Variants in SHANK1 observed in about 807,000 individuals in gnomAD.
The protein encoded by SHANK1 is SH3 and multiple ankyrin repeat domains protein 1.
Under a neutral mutation model 165.6 loss-of-function variants are expected in SHANK1, and 35 were observed. The observed-to-expected ratio is 0.21, with a 90% CI of 0.16 to 0.28. The LOEUF (loss-of-function observed/expected upper bound fraction) is 0.28. SHANK1 is among the 10% of genes least tolerant of loss of function. The pLI, the probability that SHANK1 is intolerant of heterozygous loss-of-function variation, is 1.00. For synonymous variants in SHANK1, 1,428 were observed against 1,384.8 expected (o/e 1.03, Z -0.69); for missense variants, 2,681 against 3,036.4 (o/e 0.88, Z 2.75).
At chr19:50,700,573 T>TA (rs951966589) in intron 12 of SHANK1, among the ~76,000 whole-genome samples, 2 of 151,792 alleles carry the variant, frequency 1.3e-5, no homozygotes, top group African/African-American at 4.9e-5. Flanking sequence ...ATTCTGAGAG[T>TA]AGCAGGAGTC....
intron 8 of SHANK1, among the ~76,000 whole-genome samples, chr19:50,705,735 C>G (rs912918622): frequency 6.6e-6 from 1 of 152,210 alleles, no homozygotes; most frequent in Non-Finnish European, 1.5e-5. Context: ...CTAGACCTTA[C>G]GGAGGCTTAC....
chr19:50,717,088 C>G lies in SHANK1; in HGVS notation c.-43-126G>C, dbSNP rs1387496679. On this transcript the variant is annotated intron_variant, in intron 1 of 23. Coordinates refer to ENST00000293441, the MANE Select transcript of SHANK1 (RefSeq NM_016148.5). This position sits in a 1 kb window ranked among gnomAD's most constrained non-coding sequence, Gnocchi z 5.5. ...CTGCCCAAGATAGGCAGGAAGGAGG[C>G]TGGACACACCCTCGGCCTGCACGGC... 4.1e-6 allele frequency: 3 copies of G among 740,060 alleles called. No individual in the cohort carries two copies. The highest frequency in any genetic ancestry group is 5.8e-6 in the Non-Finnish European group (3 of 515,128). 45.8% of individuals were successfully genotyped at this position (740,060 alleles called of 1,614,324 possible).
chr19:50,703,975 C>A, intron 10 of SHANK1, 145 bp from the exon 11 acceptor site: 2 of 861,680 alleles, frequency 2.3e-6, no homozygotes, highest in South Asian at 1.6e-5. Flanking sequence ...AATTGCTCCC[C>A]CACCACCATC....
chr19:50,711,742 C>T (rs1309529016), intron 7 of SHANK1, among the ~76,000 whole-genome samples: 4 of 152,226 alleles, frequency 2.6e-5, no homozygotes, highest in Admixed American at 2.0e-4. Context: ...CCATCCCTCT[C>T]AGGGGTCAAG....
chr19:50,707,714 T>C (rs187323088), intron 8 of SHANK1, among the ~76,000 whole-genome samples: 1 of 151,798 alleles, frequency 6.6e-6, no homozygotes, highest in Non-Finnish European at 1.5e-5. Flanking sequence ...CTATCTCCTA[T>C]GAATGGACGA....
At chr19:50,671,872 T>C (rs1239100904) in intron 22 of SHANK1, 146 bp downstream of exon 22, 1 of 640,736 alleles carries the variant, frequency 1.6e-6, no homozygotes, top group Non-Finnish European at 2.7e-6. Flanking sequence ...AGTTCACCCA[T>C]TTCCAAAGCC....
chr19:50,665,463 A>G (rs946443764), intron 23 of SHANK1, among the ~76,000 whole-genome samples: 2 of 145,084 alleles, frequency 1.4e-5, no homozygotes, highest in African/African-American at 5.2e-5. Context: ...GCTACTCAGG[A>G]GGCTGAGGCT....
chr19:50,703,184 C>G (rs559341981), intron 11 of SHANK1, among the ~76,000 whole-genome samples: 1 of 152,130 alleles, frequency 6.6e-6, no homozygotes, highest in South Asian at 2.1e-4. Context: ...CCACCCCCCC[C>G]ATCCTCTTCC....
intron 1 of SHANK1, among the ~76,000 whole-genome samples, chr19:50,719,002 C>G (rs902614594): frequency 1.3e-5 from 2 of 151,046 alleles, no homozygotes; most frequent in Non-Finnish European, 3.0e-5. Flanking sequence ...GGCCTAGACC[C>G]TCGCTGGAGG....
chr19:50,663,888 G>A (rs980463406), intron 23 of SHANK1, among the ~76,000 whole-genome samples: 2 of 150,092 alleles, frequency 1.3e-5, no homozygotes, highest in African/African-American at 4.9e-5. Flanking sequence ...ATTGATTCAA[G>A]TTGCTCTAAT....
At position 50,662,560 on chromosome 19, in the gene SHANK1, G is replaced by A. The variant is rs528793989; in HGVS notation, c.5891C>T (p.Ala1964Val). Residue 1964 changes from alanine to valine, a missense_variant, in exon 24 of 24, where the codon GCG becomes GTG. Physicochemically the swap from Ala to Val is moderately conservative, Grantham distance 64. Transcript: ENST00000293441. This position sits in a 1 kb window ranked among gnomAD's most constrained non-coding sequence, Gnocchi z 7.7. ...TGAGGGTGAGGTGGCCCCTGGGGCC[G>A]CAGCGGCTGTAGGGGAGACCCCTGT... ...TGTGVSPTAA[A>V]APGATSPSAS... The A allele has an allele frequency of 3.9e-5, 61 of 1,561,886 alleles. No homozygotes were observed. The highest frequency in any genetic ancestry group is 1.7e-4 in the Middle Eastern group (1 of 5,888).
Position 50,667,325 on chromosome 19 carries a change from C to A in SHANK1, c.4635G>T (p.Leu1545=). The change falls in exon 23 of 24, where the codon CTG becomes CTT. Residue 1545 remains leucine, a synonymous_variant. Transcript: ENST00000293441. The surrounding 1 kb of genome is among the most constrained non-coding windows in gnomAD (Gnocchi z 5.7). ...CCGAGGGGGCGGGAGGCGGCAGGAC[C>A]AGCAGGGGCAGCCCGTTCTCTTCGC... The part of the protein sequence containing the change: ...RASEENGLPL[L]VLPPPAPSVD... The A allele has an allele frequency of 6.3e-7, 1 of 1,579,940 alleles. No homozygotes were observed. Among genetic ancestry groups the A allele is most frequent in the Non-Finnish European group, 8.5e-7 (1 of 1,169,858 alleles).
intron 21 of SHANK1, among the ~76,000 whole-genome samples, chr19:50,680,069 C>T (rs192285300): frequency 6.7e-6 from 1 of 150,048 alleles, no homozygotes; most frequent in African/African-American, 2.5e-5. Flanking sequence ...CAAGGAGACA[C>T]AGAGACAGAG....
chr19:50,689,458 TC>T, intron 15 of SHANK1, 179 bp from the exon 16 acceptor site: 2 of 699,566 alleles, frequency 2.9e-6, no homozygotes, highest in East Asian at 2.8e-5. Context: ...CTGATGGGCT[TC>T]CCCCTCAGAG....
chr19:50,703,956 G>A, intron 10 of SHANK1, 126 bp from the exon 11 acceptor site: 2 of 749,588 alleles, frequency 2.7e-6, no homozygotes, highest in Non-Finnish European at 2.2e-6. Context: ...GAAAGGGAGG[G>A]GGGCCTGGAA....
intron 21 of SHANK1, among the ~76,000 whole-genome samples, chr19:50,680,800 C>T (rs1362161675): frequency 1.3e-5 from 2 of 152,264 alleles, no homozygotes; most frequent in East Asian, 1.9e-4. Context: ...GAATAACAGG[C>T]GTGCGCCACC....
rs747452637 is a variant in SHANK1, at chr19:50,668,418, G to A, written c.3542C>T (p.Pro1181Leu). 11 of 1,326,166 alleles carry A rather than the reference G, an allele frequency of 8.3e-6. No individual in the cohort carries two copies. The African/African-American group carries it at 1.4e-4, about 17-fold the overall frequency. The allele number at this position is 1,326,166 out of a possible 1,614,324, so 82.1% of individuals were successfully genotyped here. A position where few individuals can be genotyped will look rare whatever the true frequency, so the allele number is the denominator to read the frequency against. Reference sequence around the variant, plus strand: ...TCCCGTGGGCTCCGGCTGGGTGGGGGGCTCCGCCTCGGTGCTGCTGCCCTG... The same window carrying A: ...TCCCGTGGGCTCCGGCTGGGTGGGGAGCTCCGCCTCGGTGCTGCTGCCCTG... ...SSQGSSTEAEPPTQPEPTGGG... is the reference protein window; with the variant it reads ...SSQGSSTEAELPTQPEPTGGG... The change falls in exon 23 of 24, where the codon CCC becomes CTC. Residue 1181 changes from proline (P) to leucine (L), a missense_variant. Physicochemically the swap from Pro to Leu is moderately conservative, Grantham distance 98. Transcript: ENST00000293441.
chr19:50,706,611 C>G (rs1206870938), intron 8 of SHANK1, among the ~76,000 whole-genome samples: 1 of 151,830 alleles, frequency 6.6e-6, no homozygotes, highest in Non-Finnish European at 1.5e-5. Context: ...TGCACGGCTG[C>G]TCCCTCTGCT....
rs1318602152 is a variant in SHANK1, at chr19:50,717,048, G to A, written c.-43-86C>T. 1 of 1,170,088 alleles carries A rather than the reference G, an allele frequency of 8.5e-7. No homozygotes were observed. The highest frequency in any genetic ancestry group is 1.1e-6 in the Non-Finnish European group (1 of 893,590). The allele number at this position is 1,170,088 out of a possible 1,614,324, so 72.5% of individuals were successfully genotyped here. On this transcript the variant is annotated intron_variant, in intron 1 of 23. Transcript: ENST00000293441. The surrounding 1 kb of genome is among the most constrained non-coding windows in gnomAD (Gnocchi z 5.5). Reference sequence around the variant, plus strand: ...GCTATTCGGTGGTCAAGCGGTCAAGGGCAGCCTACCCCCACTGCCCAAGAT... The same window carrying A: ...GCTATTCGGTGGTCAAGCGGTCAAGAGCAGCCTACCCCCACTGCCCAAGAT...
Sources: allele counts gnomAD v4.1 joint callset (sites outside exome capture counted in the v4.1 genomes callset), GRCh38; gene constraint gnomAD v4.1.1; non-coding constraint Gnocchi (gnomAD v3.1); transcripts MANE v1.5; gene names NCBI Gene and HGNC (gene_info 2026-07-23, HGNC 2026-07-21).